TNRC6C: variants seen among roughly 807,000 people sequenced by gnomAD.
TNRC6C encodes trinucleotide repeat-containing gene 6C protein.
Under a neutral mutation model 153.7 loss-of-function variants are expected in TNRC6C, and 20 were observed. The ratio of observed to expected loss-of-function variants is 0.13; its 90% CI spans 0.09 to 0.19. TNRC6C has a LOEUF of 0.19. Ranked by LOEUF, TNRC6C falls within the 10% of genes least tolerant of loss-of-function variation. TNRC6C has a pLI of 1.00. For missense variants in TNRC6C, 1,987 were observed against 2,172.0 expected (o/e 0.91, Z 1.69); for synonymous variants, 811 against 841.4 (o/e 0.96, Z 0.63).
intron 6 of TNRC6C, among the ~76,000 whole-genome samples, chr17:78,071,889 T>C (rs1445084588): frequency 6.6e-6 from 1 of 152,192 alleles, no homozygotes; most frequent in East Asian, 1.9e-4. Flanking sequence ...TTTCCAGTCA[T>C]ACGTAGGGAG....
chr17:78,028,191 C>A (rs887727188), intron 1 of TNRC6C, among the ~76,000 whole-genome samples: 1 of 152,108 alleles, frequency 6.6e-6, no homozygotes, highest in Non-Finnish European at 1.5e-5. Flanking sequence ...CATCGCCCCC[C>A]GCTGAAACTT....
chr17:78,022,944 T>C (rs999182501), intron 1 of TNRC6C, among the ~76,000 whole-genome samples: 12 of 152,232 alleles, frequency 7.9e-5, no homozygotes, highest in African/African-American at 2.9e-4. Flanking sequence ...GCTATTTATA[T>C]AGCATGTAAA....
intron 3 of TNRC6C, among the ~76,000 whole-genome samples, chr17:78,055,662 C>G (rs952569662): frequency 1.3e-5 from 2 of 152,168 alleles, no homozygotes; most frequent in Non-Finnish European, 2.9e-5. Context: ...AGTGGATAGT[C>G]CCAATTTGAA....
At chr17:78,036,618 G>A (rs1022502990) in intron 2 of TNRC6C, among the ~76,000 whole-genome samples, 7 of 152,110 alleles carry the variant, frequency 4.6e-5, no homozygotes, top group African/African-American at 1.2e-4. Context: ...GGCAACGGGC[G>A]AAATTAGAGA....
chr17:78,049,993 T>A lies in TNRC6C; in HGVS notation c.931T>A (p.Trp311Arg). 1 of 1,613,932 alleles carries A rather than the reference T, an allele frequency of 6.2e-7. No homozygotes were observed. The highest frequency in any genetic ancestry group is 8.5e-7 in the Non-Finnish European group (1 of 1,179,842). ...TCCTGCTGGTCCTGGAATACTCGCCTGGGGAAGGGGCAGTGGCAACAATGG... is the reference window on the plus strand; with the variant it reads ...TCCTGCTGGTCCTGGAATACTCGCCAGGGGAAGGGGCAGTGGCAACAATGG... Residue 311 changes from tryptophan to arginine, a missense_variant, in exon 3 of 20, where the codon TGG (tryptophan) becomes AGG (arginine). Physicochemically the swap from Trp to Arg is moderately radical, Grantham distance 101. Transcript: ENST00000301624. This position sits in a 1 kb window ranked among gnomAD's most constrained non-coding sequence, Gnocchi z 4.1.
At chr17:78,029,383 A>G (rs963838990) in intron 1 of TNRC6C, among the ~76,000 whole-genome samples, 1 of 152,264 alleles carries the variant, frequency 6.6e-6, no homozygotes, top group African/African-American at 2.4e-5. Flanking sequence ...GCATGTTACT[A>G]TACTGAATAC....
chr17:78,058,708 T>A (rs963555643), intron 3 of TNRC6C, among the ~76,000 whole-genome samples: 10 of 152,230 alleles, frequency 6.6e-5, no homozygotes, highest in African/African-American at 2.2e-4. Flanking sequence ...GAATTTGTTG[T>A]GTGTTCATTT....
At chr17:78,098,105 C>T (rs1488514039) in intron 16 of TNRC6C, among the ~76,000 whole-genome samples, 8 of 152,218 alleles carry the variant, frequency 5.3e-5, no homozygotes, top group Admixed American at 5.2e-4. Context: ...ACTGCCTTCT[C>T]TCTTCCTTTC....
chr17:78,094,424 T>G (rs1048424434), intron 16 of TNRC6C, among the ~76,000 whole-genome samples: 1 of 151,354 alleles, frequency 6.6e-6, no homozygotes, highest in African/African-American at 2.4e-5. Context: ...GTGTTTTGTG[T>G]TTGCTTCTTT....
chr17:78,007,309 T>G (rs193253997), intron 1 of TNRC6C, among the ~76,000 whole-genome samples: 2 of 152,352 alleles, frequency 1.3e-5, no homozygotes, highest in African/African-American at 2.4e-5. Flanking sequence ...CAAAAAATGC[T>G]TTTTGAATTA....
At chr17:78,061,889 T>C (rs2072776232) in intron 3 of TNRC6C, among the ~76,000 whole-genome samples, 2 of 152,212 alleles carry the variant, frequency 1.3e-5, no homozygotes, top group African/African-American at 4.8e-5. Context: ...ACCACAATCT[T>C]AGTATTTATC....
intron 2 of TNRC6C, among the ~76,000 whole-genome samples, chr17:78,034,831 T>C (rs1045928442): frequency 2.0e-5 from 3 of 152,000 alleles, no homozygotes; most frequent in Non-Finnish European, 4.4e-5. Flanking sequence ...TAGCCAGACA[T>C]GGTGGCATGT....
At chr17:78,042,222 C>T (rs1313584516) in intron 2 of TNRC6C, among the ~76,000 whole-genome samples, 2 of 152,076 alleles carry the variant, frequency 1.3e-5, no homozygotes, top group South Asian at 2.1e-4. Context: ...GAGAATTTAA[C>T]GTTATACATG....
chr17:78,092,817 A>G (rs2073416923), intron 14 of TNRC6C, 116 bp from the exon 17 acceptor site: 1 of 739,892 alleles, frequency 1.4e-6, no homozygotes, highest in Non-Finnish European at 2.2e-6. Context: ...ATGTAACTGA[A>G]TAGGGCAAGG....
exon 3 of TNRC6C, chr17:78,051,239 A>G: frequency 6.4e-7 from 1 of 1,559,240 alleles, no homozygotes; most frequent in Non-Finnish European, 8.7e-7. Flanking sequence ...GAAATTGATG[A>G]TGGTACCTCA....
intron 3 of TNRC6C, among the ~76,000 whole-genome samples, chr17:78,056,612 C>T (rs1328249592): frequency 1.3e-5 from 2 of 151,914 alleles, no homozygotes; most frequent in South Asian, 2.1e-4. Context: ...TACAGGTGCC[C>T]GCCACCACGC....
At chr17:78,027,266 T>C (rs1244529218) in intron 1 of TNRC6C, among the ~76,000 whole-genome samples, 2 of 150,726 alleles carry the variant, frequency 1.3e-5, no homozygotes, top group East Asian at 3.9e-4. Flanking sequence ...GAGGAGAGAG[T>C]GGGAGGAGCT....
chr17:78,058,520 G>A (rs745423738), intron 3 of TNRC6C, among the ~76,000 whole-genome samples: 1 of 152,222 alleles, frequency 6.6e-6, no homozygotes, highest in Non-Finnish European at 1.5e-5. Context: ...TCACTGAAAT[G>A]TAGATAATTT....
At chr17:78,028,943 C>T (rs113180471) in intron 1 of TNRC6C, among the ~76,000 whole-genome samples, 2,365 of 152,266 alleles carry the variant, frequency 0.016, 55 homozygotes, top group African/African-American at 0.054. Flanking sequence ...CTTTACATGT[C>T]GGCGTGCAGA....
Sources: gnomAD v4.1 joint callset for allele counts (sites outside exome capture counted in the v4.1 genomes callset) on GRCh38, gnomAD v4.1.1 for gene constraint, Gnocchi (gnomAD v3.1) non-coding constraint, MANE v1.5 for transcripts, NCBI Gene and HGNC (gene_info 2026-07-23, HGNC 2026-07-21) for gene names.